The following TENM4 variants were observed in gnomAD, a reference collection of about 807,000 sequenced individuals.
TENM4 encodes the protein teneurin-4.
TENM4 carries 82 observed loss-of-function variants against 243.3 expected under a neutral mutation model. The ratio of observed to expected loss-of-function variants is 0.34; its 90% CI spans 0.28 to 0.40. TENM4 has a LOEUF of 0.40. Ranked by LOEUF, TENM4 falls within the 10% of genes least tolerant of loss-of-function variation. The pLI, the probability that TENM4 is intolerant of heterozygous loss-of-function variation, is 1.00. For missense variants in TENM4, 3,138 were observed against 3,673.3 expected, an observed-to-expected ratio of 0.85 and a Z score of 3.77; for synonymous variants, 1,412 against 1,456.3, an observed-to-expected ratio of 0.97 and a Z score of 0.69.
chr11:78,723,677 G>A (rs1855451683), intron 23 of TENM4, among the ~76,000 whole-genome samples: 1 of 152,156 alleles, frequency 6.6e-6, no homozygotes, highest in Non-Finnish European at 1.5e-5. Context: ...TTTTTAGTCT[G>A]GATCTTCCTT....
At chr11:79,002,222 C>T (rs999639017) in intron 6 of TENM4, among the ~76,000 whole-genome samples, 7 of 152,222 alleles carry the variant, frequency 4.6e-5, no homozygotes, top group South Asian at 2.1e-4. Context: ...CAGCTTTGTG[C>T]CTGCCAGCAC....
chr11:78,905,714 T>G (rs1028627268), intron 6 of TENM4, among the ~76,000 whole-genome samples: 3 of 152,206 alleles, frequency 2.0e-5, no homozygotes, highest in Admixed American at 2.0e-4. Flanking sequence ...TATGCAGTTC[T>G]GTAGTGCTGG....
At position 79,399,647 on chromosome 11, in the gene TENM4, T is replaced by C. The variant is rs1322304274; in HGVS notation, c.-321+40862A>G. Among the ~76,000 whole-genome samples the C allele has an allele frequency of 2.0e-5, 3 of 152,118 alleles. No homozygotes were observed. In the South Asian group the frequency reaches 6.2e-4, roughly 32 times the overall value. On this transcript the variant is annotated intron_variant, in intron 1 of 33. Coordinates refer to ENST00000278550, the MANE Select transcript of TENM4 (RefSeq NM_001098816.3). ...TTTGTTTATTAATTTGATAACTTGA[T>C]GGATCTTAGTTCTGGTGGAAACACA...
intron 9 of TENM4, among the ~76,000 whole-genome samples, chr11:78,864,556 A>T (rs1858915110): frequency 6.6e-6 from 1 of 151,406 alleles, no homozygotes; most frequent in Non-Finnish European, 1.5e-5. Context: ...TTGTCCCTTG[A>T]GATATACATG....
intron 1 of TENM4, among the ~76,000 whole-genome samples, chr11:79,316,638 C>T (rs1856807567): frequency 6.6e-6 from 1 of 152,160 alleles, no homozygotes; most frequent in African/African-American, 2.4e-5. Context: ...ATGTATGTTG[C>T]TGATTTCATA....
intron 2 of TENM4, among the ~76,000 whole-genome samples, chr11:79,281,792 C>G (rs1202523196): frequency 6.6e-6 from 1 of 152,236 alleles, no homozygotes; most frequent in African/African-American, 2.4e-5. Context: ...GGTCCCAAAC[C>G]ATTAAAACCT....
At chr11:78,921,448 AT>A (rs1353678010) in intron 6 of TENM4, among the ~76,000 whole-genome samples, 2 of 152,220 alleles carry the variant, frequency 1.3e-5, no homozygotes, top group African/African-American at 4.8e-5. Flanking sequence ...ATATTTCTAG[AT>A]GTCGAAAGCC....
At chr11:79,298,642 A>G (rs1440553942) in intron 1 of TENM4, among the ~76,000 whole-genome samples, 1 of 151,958 alleles carries the variant, frequency 6.6e-6, no homozygotes, top group Non-Finnish European at 1.5e-5. Flanking sequence ...CCTATATTTG[A>G]GTCCCTACTA....
chr11:78,731,459 A>T (rs1203750042), intron 21 of TENM4, among the ~76,000 whole-genome samples: 1 of 152,154 alleles, frequency 6.6e-6, no homozygotes, highest in African/African-American at 2.4e-5. Flanking sequence ...AATATACACA[A>T]AAAAATATAT....
At chr11:78,688,364 T>C (rs1858737435) in intron 28 of TENM4, 138 bp from the exon 29 acceptor site, 5 of 929,378 alleles carry the variant, frequency 5.4e-6, no homozygotes, top group Non-Finnish European at 8.2e-6. Context: ...GTCTCCCACA[T>C]ATCTTGCACA....
intron 1 of TENM4, among the ~76,000 whole-genome samples, chr11:79,381,700 C>T (rs921363510): frequency 4.0e-5 from 6 of 151,660 alleles, no homozygotes; most frequent in East Asian, 1.9e-4. Context: ...CTGTTTGGCA[C>T]GGTACAAAGC....
At chr11:78,802,822 G>T (rs1039942164) in intron 15 of TENM4, among the ~76,000 whole-genome samples, 14 of 152,196 alleles carry the variant, frequency 9.2e-5, no homozygotes, top group Middle Eastern at 3.4e-3. Context: ...TTATATTCCT[G>T]GCCTTGTGGC....
intron 25 of TENM4, among the ~76,000 whole-genome samples, chr11:78,716,823 A>G (rs929229963): frequency 6.6e-6 from 1 of 152,234 alleles, no homozygotes; most frequent in African/African-American, 2.4e-5. Context: ...GGGGAACTTG[A>G]GAGTCCACAT....
chr11:78,705,058 C>A (rs904109665), intron 27 of TENM4, among the ~76,000 whole-genome samples: 1 of 152,254 alleles, frequency 6.6e-6, no homozygotes, highest in Non-Finnish European at 1.5e-5. Flanking sequence ...GCTCTCTGGG[C>A]AGTGTCGTGG....
chr11:78,891,101 A>T, intron 8 of TENM4, 137 bp downstream of exon 8: 4 of 719,066 alleles, frequency 5.6e-6, no homozygotes, highest in Non-Finnish European at 7.1e-6. Flanking sequence ...TTGCAAGTTG[A>T]ACACGGACTT....
At chr11:78,676,926 T>C (rs1858492899) in intron 29 of TENM4, among the ~76,000 whole-genome samples, 1 of 152,168 alleles carries the variant, frequency 6.6e-6, no homozygotes, top group Non-Finnish European at 1.5e-5. Context: ...TTATATGAAA[T>C]GTCCAGAATA....
chr11:79,343,788 T>A (rs1169903962), intron 1 of TENM4, among the ~76,000 whole-genome samples: 1 of 152,216 alleles, frequency 6.6e-6, no homozygotes, highest in African/African-American at 2.4e-5. Flanking sequence ...CAACAAGATG[T>A]TGAAGGTCAG....
intron 6 of TENM4, among the ~76,000 whole-genome samples, chr11:78,995,777 G>C (rs1467371251): frequency 2.0e-5 from 3 of 152,004 alleles, no homozygotes; most frequent in Admixed American, 1.3e-4. Flanking sequence ...GGCAAGAAAG[G>C]CTTTGGAGTT....
At chr11:79,037,598 C>T (rs1255265973) in intron 6 of TENM4, among the ~76,000 whole-genome samples, 2 of 152,210 alleles carry the variant, frequency 1.3e-5, no homozygotes, top group African/African-American at 2.4e-5. Flanking sequence ...TAAGTCCATA[C>T]ACTTTGGGAG....
Sources: gnomAD v4.1 joint callset for allele counts (sites outside exome capture counted in the v4.1 genomes callset) on GRCh38, gnomAD v4.1.1 for gene constraint, MANE v1.5 for transcripts, NCBI Gene and HGNC (gene_info 2026-07-23, HGNC 2026-07-21) for gene names.